PCDH9: variants seen among roughly 807,000 people sequenced by gnomAD.
PCDH9 encodes protocadherin 9.
A neutral mutation model predicts 70.6 loss-of-function variants in PCDH9; 24 were observed. That is an observed-to-expected ratio of 0.34 (90% CI 0.25 to 0.48). The LOEUF (loss-of-function observed/expected upper bound fraction) is 0.48, where lower values mean the gene tolerates loss of function less well. PCDH9 is among the 20% of genes least tolerant of loss of function. The pLI is 0.99. For synonymous variants in PCDH9, 562 were observed against 558.5 expected (o/e 1.01, Z -0.09); for missense variants, 1,281 against 1,503.6 (o/e 0.85, Z 2.45).
intron 4 of PCDH9, among the ~76,000 whole-genome samples, chr13:66,307,629 G>C (rs1486426144): frequency 6.6e-6 from 1 of 151,876 alleles, no homozygotes; most frequent in African/African-American, 2.4e-5. Context: ...TACATTTCCA[G>C]CGTCATTAAT....
chr13:66,343,957 A>G (rs1956171990), intron 4 of PCDH9, among the ~76,000 whole-genome samples: 1 of 152,122 alleles, frequency 6.6e-6, no homozygotes, highest in Non-Finnish European at 1.5e-5. Flanking sequence ...CATAATCTTT[A>G]ATTATTTGTT....
At chr13:67,007,506 T>C (rs2084375830) in intron 2 of PCDH9, among the ~76,000 whole-genome samples, 1 of 152,190 alleles carries the variant, frequency 6.6e-6, no homozygotes, top group African/African-American at 2.4e-5. Context: ...GGTATTCAGT[T>C]GGCTTTAAAA....
intron 3 of PCDH9, among the ~76,000 whole-genome samples, chr13:66,774,067 C>T (rs1046258005): frequency 2.6e-5 from 4 of 152,126 alleles, no homozygotes; most frequent in East Asian, 3.9e-4. Context: ...TATGAGCCAC[C>T]GCACCCAGCC....
At chr13:66,846,955 A>T (rs1398528682) in intron 3 of PCDH9, among the ~76,000 whole-genome samples, 1 of 151,998 alleles carries the variant, frequency 6.6e-6, no homozygotes, top group African/African-American at 2.4e-5. Flanking sequence ...CCTGATAAAT[A>T]AGATAACTTA....
intron 2 of PCDH9, among the ~76,000 whole-genome samples, chr13:67,030,646 A>G (rs975110148): frequency 3.3e-5 from 5 of 152,110 alleles, no homozygotes; most frequent in African/African-American, 1.2e-4. Context: ...CATGTACCCC[A>G]TAAATGTGTA....
intron 4 of PCDH9, among the ~76,000 whole-genome samples, chr13:66,340,714 T>A (rs1440928497): frequency 6.6e-6 from 1 of 152,226 alleles, no homozygotes; most frequent in East Asian, 1.9e-4. Flanking sequence ...ACAGGCACTA[T>A]CTGATTCTCC....
chr13:67,228,736 T>C (rs1206101892), intron 1 of PCDH9, among the ~76,000 whole-genome samples, 161 bp from the exon 2 acceptor site: 1 of 152,250 alleles, frequency 6.6e-6, no homozygotes, highest in Non-Finnish European at 1.5e-5. Context: ...AAATATCTCC[T>C]GCTGGTTGCA....
At chr13:66,714,477 C>A (rs1469105833) in intron 3 of PCDH9, among the ~76,000 whole-genome samples, 49 of 148,062 alleles carry the variant, frequency 3.3e-4, no homozygotes, top group African/African-American at 6.9e-4. Context: ...AAAAAAAAAA[C>A]AAAAAAAGTT....
At chr13:66,500,408 G>A (rs1959170882) in intron 4 of PCDH9, among the ~76,000 whole-genome samples, 1 of 151,942 alleles carries the variant, frequency 6.6e-6, no homozygotes, top group African/African-American at 2.4e-5. Flanking sequence ...TGAACCTAGG[G>A]GACATAATAT....
At chr13:66,636,727 T>C (rs1436748668) in intron 3 of PCDH9, among the ~76,000 whole-genome samples, 1 of 152,014 alleles carries the variant, frequency 6.6e-6, no homozygotes, top group Non-Finnish European at 1.5e-5. Context: ...TATCTATCAT[T>C]CTAACTATGT....
chr13:66,852,220 TTGA>T (rs1054343350), intron 3 of PCDH9, among the ~76,000 whole-genome samples: 1 of 151,932 alleles, frequency 6.6e-6, no homozygotes, highest in East Asian at 1.9e-4. Context: ...TATTATAATA[TTGA>T]TGATGATGAT....
chr13:66,743,555 G>A (rs2139207255), intron 3 of PCDH9, among the ~76,000 whole-genome samples: 1 of 152,098 alleles, frequency 6.6e-6, no homozygotes, highest in South Asian at 2.1e-4. Context: ...TAGACAGGAG[G>A]AATAAGGCCA....
chr13:67,147,395 T>C (rs2087547921), intron 2 of PCDH9, among the ~76,000 whole-genome samples: 1 of 152,142 alleles, frequency 6.6e-6, no homozygotes, highest in African/African-American at 2.4e-5. Context: ...ATCGCAGATA[T>C]AAAGCTGGGA....
intron 2 of PCDH9, among the ~76,000 whole-genome samples, chr13:66,905,929 C>T (rs1421715402): frequency 1.3e-5 from 2 of 152,132 alleles, no homozygotes; most frequent in Non-Finnish European, 2.9e-5. Flanking sequence ...TACCATATCT[C>T]CCTTAATGGG....
chr13:66,560,160 G>A (rs1160983492), intron 4 of PCDH9, among the ~76,000 whole-genome samples: 2 of 151,980 alleles, frequency 1.3e-5, no homozygotes, highest in African/African-American at 4.8e-5. Flanking sequence ...CAGATAAAGA[G>A]CCTTCACAGC....
chr13:66,993,774 A>C (rs1279806310), intron 2 of PCDH9, among the ~76,000 whole-genome samples: 1 of 152,184 alleles, frequency 6.6e-6, no homozygotes, highest in East Asian at 1.9e-4. Context: ...AAATATTTTC[A>C]ATGGCTTGAG....
intron 2 of PCDH9, among the ~76,000 whole-genome samples, chr13:67,134,952 A>G (rs2087198205): frequency 6.6e-6 from 1 of 152,108 alleles, no homozygotes; most frequent in Non-Finnish European, 1.5e-5. Flanking sequence ...ATGTAGTTAA[A>G]GGGTACCAAT....
At chr13:66,721,511 A>G (rs2078941186) in intron 3 of PCDH9, among the ~76,000 whole-genome samples, 1 of 152,154 alleles carries the variant, frequency 6.6e-6, no homozygotes, top group South Asian at 2.1e-4. Context: ...CTTTCTGAGT[A>G]TATTTATGTC....
chr13:66,337,223 C>A (rs962588432), intron 4 of PCDH9, among the ~76,000 whole-genome samples: 1 of 151,822 alleles, frequency 6.6e-6, no homozygotes, highest in Non-Finnish European at 1.5e-5. Context: ...AACATGAGGT[C>A]AAAATTAGGC....
Sources: gnomAD v4.1 joint callset for allele counts (sites outside exome capture counted in the v4.1 genomes callset) on GRCh38, gnomAD v4.1.1 for gene constraint, MANE v1.5 for transcripts, NCBI Gene and HGNC (gene_info 2026-07-23, HGNC 2026-07-21) for gene names.